LAMA2: variants seen among roughly 807,000 people sequenced by gnomAD.
LAMA2 encodes the protein laminin subunit alpha 2.
A neutral mutation model predicts 364.8 loss-of-function variants in LAMA2; 269 were observed. That is an observed-to-expected ratio of 0.74 (90% CI 0.67 to 0.82). The LOEUF (loss-of-function observed/expected upper bound fraction) is 0.82, where lower values mean the gene tolerates loss of function less well. LAMA2 is among the 40% of genes least tolerant of loss of function. The probability of loss-of-function intolerance (pLI) is 0.00; values close to 1 mark genes in which losing one functional copy is unlikely to be tolerated. For synonymous variants in LAMA2, 1,379 were observed against 1,370.6 expected, an observed-to-expected ratio of 1.01 and a Z score of -0.14; for missense variants, 3,807 against 3,873.2, an observed-to-expected ratio of 0.98 and a Z score of 0.45.
rs559943587 is a variant in LAMA2 at position 129,107,254 on chromosome 6, C to T, written c.639+8839C>T. 1.4e-3 allele frequency among the ~76,000 whole-genome samples: 211 copies of T among 152,206 alleles called. 1 individual carries two copies. The highest frequency in any genetic ancestry group is 3.4e-3 in the Middle Eastern group (1 of 294). On this transcript the variant is annotated intron_variant, in intron 4 of 64. Coordinates refer to ENST00000421865, the MANE Select transcript of LAMA2 (RefSeq NM_000426.4). ...CAGCCAGTTTACGTGGTTATAATAA[C>T]GATCAAATTAGATTTTTATGGCAAA... is the stretch of plus-strand genomic sequence containing the variant.
chr6:129,168,233 C>T (rs1398657431), intron 9 of LAMA2, among the ~76,000 whole-genome samples: 4 of 149,956 alleles, frequency 2.7e-5, no homozygotes, highest in African/African-American at 4.9e-5. Flanking sequence ...ACATGAAGTC[C>T]TTGCCCATGC....
At chr6:129,250,843 C>T (rs1786130439) in intron 13 of LAMA2, among the ~76,000 whole-genome samples, 1 of 152,088 alleles carries the variant, frequency 6.6e-6, no homozygotes, top group Non-Finnish European at 1.5e-5. Context: ...CACATACATG[C>T]ATGTTCATTA....
rs369952984 is a variant in LAMA2 at position 129,095,785 on chromosome 6, G to A, written c.397-2388G>A. Among the ~76,000 whole-genome samples, 921 of 151,088 alleles carry A rather than the reference G, an allele frequency of 6.1e-3. 9 individuals are homozygous for A. The highest frequency in any genetic ancestry group is 0.021 in the African/African-American group (878 of 41,160). ...AAAAAAAAAAAAAAATTAGCCAGGC[G>A]CAGTGGCACCTGCCTGTAATCCAGC... On this transcript the variant is annotated intron_variant, in intron 3 of 64. Transcript: ENST00000421865.
At chr6:129,202,575 C>T (rs1036660283) in intron 12 of LAMA2, among the ~76,000 whole-genome samples, 14 of 152,106 alleles carry the variant, frequency 9.2e-5, no homozygotes, top group African/African-American at 3.4e-4. Context: ...GCACTGTGAG[C>T]AGTATATTTT....
At chr6:129,429,386 G>C (rs1274220361) in intron 41 of LAMA2, among the ~76,000 whole-genome samples, 1 of 152,080 alleles carries the variant, frequency 6.6e-6, no homozygotes, top group East Asian at 1.9e-4. Flanking sequence ...GCTCAAATGA[G>C]GAAATACTTA....
chr6:129,126,960 C>T (rs764212883), intron 4 of LAMA2, among the ~76,000 whole-genome samples: 22 of 152,026 alleles, frequency 1.4e-4, no homozygotes, highest in African/African-American at 4.3e-4. Flanking sequence ...CCAGCGACTT[C>T]GGAGGTTGAG....
chr6:129,353,407 T>C (rs1562486879), intron 32 of LAMA2, 50 bp downstream of exon 32: 1 of 1,497,646 alleles, frequency 6.7e-7, no homozygotes, highest in Non-Finnish European at 9.3e-7. Context: ...ATTCCAGTTC[T>C]GTCTCATTTC....
intron 9 of LAMA2, among the ~76,000 whole-genome samples, chr6:129,177,107 T>G (rs1780643241): frequency 6.6e-6 from 1 of 152,198 alleles, no homozygotes; most frequent in African/African-American, 2.4e-5. Context: ...AAACATTGTG[T>G]TTTGTATTTC....
In LAMA2 at chr6:129,342,481, A is replaced by G; in HGVS notation, c.4436+14A>G. On this transcript the variant is annotated intron_variant, in intron 30 of 64. Coordinates refer to ENST00000421865, the MANE Select transcript of LAMA2 (RefSeq NM_000426.4). ...TTCCAGTAACAAGTAAGATTGAGAAATATAACCATATTTCCCAATCAGAAA... is the reference window on the plus strand; with the variant it reads ...TTCCAGTAACAAGTAAGATTGAGAAGTATAACCATATTTCCCAATCAGAAA... 6.2e-7 allele frequency: 1 copy of G among 1,611,592 alleles called. No homozygotes were observed. The highest frequency in any genetic ancestry group is 1.1e-5 in the South Asian group (1 of 91,042).
rs181714217 is a variant in LAMA2, at chr6:129,042,904, C to T, written c.113-7014C>T. On this transcript the variant is annotated intron_variant, in intron 1 of 64. Transcript: ENST00000421865. ...TTTAAATACACCACAGTTTTTGTAT[C>T]ATTTCCCCCATTCATGGAAACCTAA... Among the ~76,000 whole-genome samples, 35 of 152,186 alleles carry T rather than the reference C, an allele frequency of 2.3e-4. No individual in the cohort carries two copies. The South Asian group carries it at 2.9e-3, about 13-fold the overall frequency.
chr6:129,293,081 G>T (rs2114437104), intron 20 of LAMA2: 2 of 985,772 alleles, frequency 2.0e-6, no homozygotes, highest in Non-Finnish European at 1.2e-6. Context: ...TCCCAGAGGC[G>T]CTGCATGGCT....
At chr6:129,289,758 A>G (rs1000040536) in intron 19 of LAMA2, among the ~76,000 whole-genome samples, 3 of 152,148 alleles carry the variant, frequency 2.0e-5, no homozygotes, top group Non-Finnish European at 4.4e-5. Context: ...TTAAGAACAT[A>G]AAAAAGAATG....
intron 1 of LAMA2, among the ~76,000 whole-genome samples, chr6:128,961,290 G>A (rs943344287): frequency 5.1e-5 from 6 of 116,630 alleles, no homozygotes; most frequent in African/African-American, 1.8e-4. Context: ...AATTGTATTA[G>A]GGTTCTGTAG....
At chr6:129,314,382 G>A (rs1774428215) in intron 23 of LAMA2, among the ~76,000 whole-genome samples, 2 of 111,094 alleles carry the variant, frequency 1.8e-5, no homozygotes, top group Admixed American at 1.0e-4. Flanking sequence ...CTGGGCGAAA[G>A]AGCGAGACTC....
intron 33 of LAMA2, 71 bp from the exon 34 acceptor site, chr6:129,369,821 A>G (rs1777969723): frequency 7.8e-6 from 10 of 1,273,890 alleles, no homozygotes; most frequent in Middle Eastern, 1.9e-4. Context: ...ATATACAAAA[A>G]TGTGTTCTGT....
At chr6:129,278,640 TCG>T (rs1162101049) in intron 17 of LAMA2, among the ~76,000 whole-genome samples, 1 of 152,174 alleles carries the variant, frequency 6.6e-6, no homozygotes, top group Non-Finnish European at 1.5e-5. Flanking sequence ...GATTCTTTAC[TCG>T]CAGTGCACAC....
intron 1 of LAMA2, among the ~76,000 whole-genome samples, chr6:128,937,055 T>C (rs556212568): frequency 1.9e-4 from 29 of 152,188 alleles, no homozygotes; most frequent in Non-Finnish European, 3.8e-4. Flanking sequence ...TCAAAACTTA[T>C]GAATTGTTTT....
intron 1 of LAMA2, among the ~76,000 whole-genome samples, chr6:128,943,249 A>G (rs1244047470): frequency 6.9e-6 from 1 of 145,416 alleles, no homozygotes; most frequent in Non-Finnish European, 1.5e-5. Context: ...ACACAGAGAG[A>G]GTGTGTGTGT....
chr6:129,133,075 C>T (rs1292267099), intron 4 of LAMA2, among the ~76,000 whole-genome samples: 2 of 152,136 alleles, frequency 1.3e-5, no homozygotes, highest in African/African-American at 2.4e-5. Flanking sequence ...ATTAGAAAAG[C>T]ATATACATAC....
Sources: allele counts gnomAD v4.1 joint callset (sites outside exome capture counted in the v4.1 genomes callset), GRCh38; gene constraint gnomAD v4.1.1; transcripts MANE v1.5; gene names NCBI Gene and HGNC (gene_info 2026-07-23, HGNC 2026-07-21).